NGRN: variants seen among roughly 807,000 people sequenced by gnomAD.
NGRN encodes neugrin.
Under a neutral mutation model 13.1 loss-of-function variants are expected in NGRN, and 12 were observed. That is an observed-to-expected ratio of 0.92 (90% CI 0.59 to 1.49). The LOEUF is 1.49. Ranked by LOEUF, NGRN falls within the 40% of genes most tolerant of loss-of-function variation. The pLI is 0.00. For synonymous variants in NGRN, 149 were observed against 145.8 expected, an observed-to-expected ratio of 1.02 and a Z score of -0.16; for missense variants, 397 against 357.0, an observed-to-expected ratio of 1.11 and a Z score of -0.90.
Position 90,265,682 on chromosome 15 carries a change from A to G in NGRN, c.-31A>G. Reference sequence around the variant, plus strand: ...CCGGCTACTTCCGCTGCTGTTTCGTAGCCGACTGCTGAAGGCTGGTTTGCG... The same window carrying G: ...CCGGCTACTTCCGCTGCTGTTTCGTGGCCGACTGCTGAAGGCTGGTTTGCG... On this transcript the variant is annotated 5_prime_UTR_variant, in exon 1 of 3. Coordinates refer to ENST00000379095, the MANE Select transcript of NGRN (RefSeq NM_001033088.3). 6.2e-7 allele frequency: 1 copy of G among 1,612,342 alleles called. No homozygotes were observed. The highest frequency in any genetic ancestry group is 1.1e-5 in the South Asian group (1 of 91,002).
Position 90,266,366 on chromosome 15 carries a change from G to T in NGRN, c.243G>T (p.Arg81Ser). Residue 81 changes from arginine (R) to serine (S), a missense_variant, in exon 2 of 3, where the codon AGG (arginine) becomes AGT (serine). Arg to Ser is a moderately radical substitution (Grantham distance 110). Coordinates refer to ENST00000379095, the MANE Select transcript of NGRN (RefSeq NM_001033088.3). Reference sequence around the variant, plus strand: ...TGGAGGCGCCTGGTGCCCCGCCCAGGACCCTGACGTGGGAAGCCATGGAGC... The same window carrying T: ...TGGAGGCGCCTGGTGCCCCGCCCAGTACCCTGACGTGGGAAGCCATGGAGC... ...RQMEAPGAPP[R>S]TLTWEAMEQI... The T allele has an allele frequency of 6.2e-7, 1 of 1,613,838 alleles. No homozygotes were observed. Among genetic ancestry groups the T allele is most frequent in the Non-Finnish European group, 8.5e-7 (1 of 1,179,920 alleles).
intron 1 of NGRN, 117 bp from the exon 2 acceptor site, chr15:90,266,171 C>T (rs1963415724): frequency 6.8e-7 from 1 of 1,479,160 alleles, no homozygotes; most frequent in Non-Finnish European, 9.0e-7. Context: ...CAACATGGCC[C>T]GGTTGCCCTT....
rs16944099 is a variant in NGRN, at chr15:90,266,864, G to A, written c.275+466G>A. Among the ~76,000 whole-genome samples, 13 of 152,126 alleles carry A rather than the reference G, an allele frequency of 8.5e-5. No individual in the cohort carries two copies. In the South Asian group the frequency reaches 2.5e-3, roughly 29 times the overall value. On this transcript the variant is annotated intron_variant, in intron 2 of 2. Transcript: ENST00000379095. ...TACAGGGATGCTGGTGCTTCCATAG[G>A]TAGGTGCATTTTTCTGAAGACAGGA...
At position 90,271,450 on chromosome 15, in the gene NGRN, G is replaced by A; in HGVS notation, c.538G>A (p.Ala180Thr). 1.9e-6 allele frequency: 3 copies of A among 1,614,028 alleles called. No homozygotes were observed. Among genetic ancestry groups the A allele is most frequent in the Non-Finnish European group, 2.5e-6 (3 of 1,179,994 alleles). The stretch of plus-strand genomic sequence containing the variant: ...CTCTTTGCTTATGCCAGGGCATGAA[G>A]CCTCATCTAAAGACCCAAATCACAG... ...SGSLLMPGHEASSKDPNHSTA... is the reference protein window; with the variant it reads ...SGSLLMPGHETSSKDPNHSTA... The change falls in exon 3 of 3, where the codon GCC becomes ACC. Residue 180 changes from alanine (A) to threonine (T), a missense_variant. By Grantham distance (58) the Ala-to-Thr change is moderately conservative. Transcript: ENST00000379095.
At chr15:90,267,029 C>CTTT (rs36090180) in intron 2 of NGRN, among the ~76,000 whole-genome samples, 1 of 134,804 alleles carries the variant, frequency 7.4e-6, no homozygotes. Flanking sequence ...CCTGTGGGTA[C>CTTT]TTTTTTTTTT....
chr15:90,271,208 C>G lies in NGRN; in HGVS notation c.296C>G (p.Pro99Arg), dbSNP rs374229382. 2 of 1,611,320 alleles carry G rather than the reference C, an allele frequency of 1.2e-6. No homozygotes were observed. Among genetic ancestry groups the G allele is most frequent in the Non-Finnish European group, 1.7e-6 (2 of 1,178,976 alleles). Reference protein sequence around the residue: ...EQIRYLHEEFPESWSVPRLAE... With the variant: ...EQIRYLHEEFRESWSVPRLAE... ...CGTAGGTATTTACATGAGGAATTTC[C>G]AGAGTCCTGGTCAGTTCCCAGGTTG... is the stretch of plus-strand genomic sequence containing the variant. Residue 99 changes from proline (P) to arginine (R), a missense_variant, in exon 3 of 3, where the codon CCA becomes CGA. Physicochemically the swap from Pro to Arg is moderately radical, Grantham distance 103 (BLOSUM62 -2). Coordinates refer to ENST00000379095, the MANE Select transcript of NGRN (RefSeq NM_001033088.3).
At chr15:90,269,782 G>C (rs752393332) in intron 2 of NGRN, among the ~76,000 whole-genome samples, 1 of 152,014 alleles carries the variant, frequency 6.6e-6, no homozygotes, top group South Asian at 2.1e-4. Flanking sequence ...AGAATTCATC[G>C]TTGTTCCCTG....
At chr15:90,267,160 T>A (rs1234688356) in intron 2 of NGRN, among the ~76,000 whole-genome samples, 1 of 152,066 alleles carries the variant, frequency 6.6e-6, no homozygotes, top group East Asian at 1.9e-4. Context: ...TCCTCCCAAG[T>A]AGCTGGGACT....
chr15:90,266,515 G>C, intron 2 of NGRN, 117 bp downstream of exon 2: 3 of 756,538 alleles, frequency 4.0e-6, no homozygotes, highest in Non-Finnish European at 6.4e-6. Context: ...ACTTTTTGTC[G>C]TTGAAATTTA....
chr15:90,269,598 T>G (rs761164362), intron 2 of NGRN, among the ~76,000 whole-genome samples: 5 of 152,184 alleles, frequency 3.3e-5, no homozygotes, highest in Admixed American at 1.3e-4. Context: ...ACTCTGCATA[T>G]TTCCCTGCCT....
intron 1 of NGRN, 168 bp from the exon 2 acceptor site, chr15:90,266,120 A>C: frequency 1.4e-6 from 2 of 1,445,766 alleles, no homozygotes; most frequent in Non-Finnish European, 1.8e-6. Context: ...TTATTGTTCT[A>C]GGTGTTAGCT....
In NGRN at chr15:90,266,361, C is replaced by T; in HGVS notation, c.238C>T (p.Pro80Ser). ...GCAAATGGAGGCGCCTGGTGCCCCG[C>T]CCAGGACCCTGACGTGGGAAGCCAT... ...RRQMEAPGAP[P>S]RTLTWEAMEQ... is the part of the protein sequence containing the mutation. The change falls in exon 2 of 3, where the codon CCC (proline) becomes TCC (serine). Residue 80 changes from proline to serine, a missense_variant. Coordinates refer to ENST00000379095, the MANE Select transcript of NGRN (RefSeq NM_001033088.3). 3.7e-6 allele frequency: 6 copies of T among 1,613,850 alleles called. No individual in the cohort carries two copies. Among genetic ancestry groups the T allele is most frequent in the Non-Finnish European group, 5.1e-6 (6 of 1,179,918 alleles).
rs190066599 is a variant in NGRN at position 90,267,070 on chromosome 15, C to T, written c.275+672C>T. Among the ~76,000 whole-genome samples the T allele has an allele frequency of 5.6e-3, 824 of 147,360 alleles. 10 individuals are homozygous for T. The highest frequency in any genetic ancestry group is 0.011 in the African/African-American group (440 of 39,954). On this transcript the variant is annotated intron_variant, in intron 2 of 2. Coordinates refer to ENST00000379095, the MANE Select transcript of NGRN (RefSeq NM_001033088.3). ...TTGGTAGTTGGGGGTCTCACTCTGT[C>T]GCCAAGGCTGGAGTACAATGATGTG...
intron 1 of NGRN, 148 bp from the exon 2 acceptor site, chr15:90,266,140 T>C: frequency 6.9e-7 from 1 of 1,453,924 alleles, no homozygotes; most frequent in African/African-American, 1.4e-5. Flanking sequence ...TTTCTGGGTG[T>C]ACGGAGCAGC....
In NGRN at chr15:90,271,301, T is replaced by C. The variant is rs1963498591; in HGVS notation, c.389T>C (p.Leu130Ser). 6.2e-7 allele frequency: 1 copy of C among 1,614,136 alleles called. No individual in the cohort carries two copies. The highest frequency in any genetic ancestry group is 1.3e-5 in the African/African-American group (1 of 75,040). The change falls in exon 3 of 3, where the codon TTG (leucine) becomes TCG (serine). Residue 130 changes from leucine (L) to serine (S), a missense_variant. Physicochemically the swap from Leu to Ser is moderately radical, Grantham distance 145. Transcript: ENST00000379095. ...RVLKSKFLPT[L>S]EQKLKQDQKV... The stretch of plus-strand genomic sequence containing the variant: ...TTAAAAAGCAAGTTTTTACCCACAT[T>C]GGAGCAGAAGCTGAAGCAGGATCAA...
At chr15:90,270,062 CTTT>C (rs1963482567) in intron 2 of NGRN, among the ~76,000 whole-genome samples, 1 of 152,034 alleles carries the variant, frequency 6.6e-6, no homozygotes, top group African/African-American at 2.4e-5. Flanking sequence ...GGTTGAATTC[CTTT>C]TTTTCTTTTT....
intron 2 of NGRN, among the ~76,000 whole-genome samples, chr15:90,267,318 C>T (rs1465722557): frequency 1.3e-5 from 2 of 152,092 alleles, no homozygotes; most frequent in Non-Finnish European, 2.9e-5. Flanking sequence ...AGGCATGAGC[C>T]ACTGTGTGCA....
intron 1 of NGRN, 169 bp from the exon 2 acceptor site, chr15:90,266,119 T>C: frequency 6.9e-7 from 1 of 1,445,514 alleles, no homozygotes; most frequent in Admixed American, 2.9e-5. Context: ...GTTATTGTTC[T>C]AGGTGTTAGC....
In NGRN at chr15:90,271,978, C is replaced by G; in HGVS notation, c.*190C>G. ...CCTGTGGTAGTGCTCCCAGTCTGACCTCTGTAGACCTTCAGTACTCACTCT... is the reference window on the plus strand; with the variant it reads ...CCTGTGGTAGTGCTCCCAGTCTGACGTCTGTAGACCTTCAGTACTCACTCT... On this transcript the variant is annotated 3_prime_UTR_variant, in exon 3 of 3. Transcript: ENST00000379095. 1.5e-6 allele frequency: 1 copy of G among 667,740 alleles called. No individual in the cohort carries two copies. The highest frequency in any genetic ancestry group is 2.5e-6 in the Non-Finnish European group (1 of 402,720). 41.4% of individuals were successfully genotyped at this position (667,740 alleles called of 1,614,324 possible). A position where few individuals can be genotyped will look rare whatever the true frequency, so the allele number is the denominator to read the frequency against.
Sources: allele counts gnomAD v4.1 joint callset (sites outside exome capture counted in the v4.1 genomes callset), GRCh38; gene constraint gnomAD v4.1.1; transcripts MANE v1.5; gene names NCBI Gene and HGNC (gene_info 2026-07-23, HGNC 2026-07-21).